TMEM232: variants seen among roughly 807,000 people sequenced by gnomAD.
TMEM232 encodes the protein transmembrane protein 232.
Under a neutral mutation model 78.8 loss-of-function variants are expected in TMEM232, and 80 were observed. The ratio of observed to expected loss-of-function variants is 1.01; its 90% CI spans 0.85 to 1.22. The LOEUF is 1.22. Ranked by LOEUF, TMEM232 falls within the 50% of genes most tolerant of loss-of-function variation. TMEM232 has a pLI of 0.00. For synonymous variants in TMEM232, 297 were observed against 254.3 expected (o/e 1.17, Z -1.60); for missense variants, 881 against 742.2 (o/e 1.19, Z -2.17).
At chr5:110,610,984 A>T (rs1405956823) in intron 8 of TMEM232, among the ~76,000 whole-genome samples, 2 of 152,180 alleles carry the variant, frequency 1.3e-5, no homozygotes, top group Non-Finnish European at 2.9e-5. Context: ...ACAGTTTAAG[A>T]AAGGAAAATC....
chr5:110,495,927 T>A (rs1765591794), intron 12 of TMEM232, among the ~76,000 whole-genome samples: 2 of 151,770 alleles, frequency 1.3e-5, no homozygotes. Flanking sequence ...GAAGAACCAT[T>A]CATACTGACA....
At chr5:110,721,760 A>G (rs1221249832) in intron 1 of TMEM232, among the ~76,000 whole-genome samples, 4 of 145,476 alleles carry the variant, frequency 2.7e-5, no homozygotes, top group Non-Finnish European at 6.0e-5. Context: ...CTCCATTTTT[A>G]CCTGTTTTGT....
chr5:110,674,218 T>C (rs1791740294), intron 1 of TMEM232, among the ~76,000 whole-genome samples: 2 of 152,194 alleles, frequency 1.3e-5, no homozygotes, highest in Admixed American at 1.3e-4. Flanking sequence ...AAATAAACTT[T>C]ACTAGACCTT....
At chr5:110,561,037 A>C (rs1775678212) in intron 11 of TMEM232, among the ~76,000 whole-genome samples, 1 of 152,184 alleles carries the variant, frequency 6.6e-6, no homozygotes, top group African/African-American at 2.4e-5. Context: ...AAAAGTGGTA[A>C]GGAAGTATAA....
chr5:110,586,276 T>C (rs1284133177), intron 10 of TMEM232, among the ~76,000 whole-genome samples: 1 of 152,128 alleles, frequency 6.6e-6, no homozygotes, highest in East Asian at 1.9e-4. Flanking sequence ...TACATTTCTG[T>C]ATAAATTTTC....
At chr5:110,490,907 T>A (rs530802869) in intron 12 of TMEM232, among the ~76,000 whole-genome samples, 1 of 152,050 alleles carries the variant, frequency 6.6e-6, no homozygotes, top group Non-Finnish European at 1.5e-5. Flanking sequence ...GCGTAAACCT[T>A]TGTTACCTTG....
At chr5:110,634,967 T>C (rs1580444104) in intron 5 of TMEM232, among the ~76,000 whole-genome samples, 1 of 151,640 alleles carries the variant, frequency 6.6e-6, no homozygotes, top group African/African-American at 2.4e-5. Flanking sequence ...AAAGAAGAGA[T>C]AAGGCCACTC....
In TMEM232 at chr5:110,530,401, T is replaced by A. The variant is rs74885794; in HGVS notation, c.1456-1566A>T. Among the ~76,000 whole-genome samples, 900 of 152,294 alleles carry A rather than the reference T, an allele frequency of 5.9e-3. 6 individuals are homozygous for A. Among genetic ancestry groups the A allele is most frequent in the African/African-American group, 0.02 (839 of 41,568 alleles). ...CTGGGTATATCCAAAAGAAAATCAG[T>A]ACGTCAAAGAGAGAGCTGCCCTGCC... On this transcript the variant is annotated intron_variant, in intron 11 of 13. Transcript: ENST00000455884.
chr5:110,591,832 A>C (rs1779577971), intron 10 of TMEM232, among the ~76,000 whole-genome samples: 1 of 152,124 alleles, frequency 6.6e-6, no homozygotes. Context: ...AGAAAAAATA[A>C]TTTTCAGTTA....
intron 1 of TMEM232, among the ~76,000 whole-genome samples, chr5:110,711,913 C>T (rs556465945): frequency 2.6e-5 from 4 of 151,626 alleles, no homozygotes; most frequent in Non-Finnish European, 4.4e-5. Context: ...AAGACCATAC[C>T]GGCTAACACA....
chr5:110,665,753 A>G (rs535430804), intron 2 of TMEM232, among the ~76,000 whole-genome samples: 2 of 152,122 alleles, frequency 1.3e-5, no homozygotes, highest in South Asian at 2.1e-4. Context: ...TATACTATAC[A>G]TGAGCATATT....
chr5:110,524,501 T>C (rs1347396250), intron 12 of TMEM232, among the ~76,000 whole-genome samples: 1 of 152,066 alleles, frequency 6.6e-6, no homozygotes, highest in East Asian at 1.9e-4. Context: ...ATGTTTTTGA[T>C]TGGAAGATAA....
chr5:110,676,152 T>G (rs1791996728), intron 1 of TMEM232, among the ~76,000 whole-genome samples: 1 of 152,230 alleles, frequency 6.6e-6, no homozygotes, highest in African/African-American at 2.4e-5. Flanking sequence ...TACTACATTT[T>G]TGTTATGCAT....
At chr5:110,672,477 C>A (rs1203801135) in intron 1 of TMEM232, among the ~76,000 whole-genome samples, 1 of 152,122 alleles carries the variant, frequency 6.6e-6, no homozygotes, top group South Asian at 2.1e-4. Flanking sequence ...ACAAGAGAGA[C>A]AATTTGTGCC....
intron 2 of TMEM232, among the ~76,000 whole-genome samples, chr5:110,412,833 T>C (rs2112584634): frequency 6.6e-6 from 1 of 152,324 alleles, no homozygotes; most frequent in East Asian, 1.9e-4. Flanking sequence ...TGTAGTAAGT[T>C]CTTAGAAAAG....
chr5:110,736,150 T>C (rs1171760276), intron 1 of TMEM232, among the ~76,000 whole-genome samples: 1 of 152,252 alleles, frequency 6.6e-6, no homozygotes, highest in Non-Finnish European at 1.5e-5. Context: ...TTAATTCCTG[T>C]GTTATGAGTT....
chr5:110,628,196 T>C (rs1784654504), intron 5 of TMEM232, among the ~76,000 whole-genome samples: 1 of 151,900 alleles, frequency 6.6e-6, no homozygotes, highest in Non-Finnish European at 1.5e-5. Context: ...ATGAAATCAA[T>C]TGAGAGGAGA....
At chr5:110,514,948 A>T (rs555808992) in intron 12 of TMEM232, among the ~76,000 whole-genome samples, 1 of 152,366 alleles carries the variant, frequency 6.6e-6, no homozygotes, top group African/African-American at 2.4e-5. Context: ...TACGGCAGAA[A>T]TTGAAAAAGA....
chr5:110,501,232 C>G (rs1426332756), intron 12 of TMEM232, among the ~76,000 whole-genome samples: 1 of 152,098 alleles, frequency 6.6e-6, no homozygotes, highest in Non-Finnish European at 1.5e-5. Context: ...GCACCAAATA[C>G]AAATGCTGAA....
Sources: gnomAD v4.1 joint callset for allele counts (sites outside exome capture counted in the v4.1 genomes callset) on GRCh38, gnomAD v4.1.1 for gene constraint, MANE v1.5 for transcripts, NCBI Gene and HGNC (gene_info 2026-07-23, HGNC 2026-07-21) for gene names.